The following CACNA1C variants were observed in gnomAD, a reference collection of about 807,000 sequenced individuals.
CACNA1C encodes voltage-dependent L-type calcium channel subunit alpha-1C.
Under a neutral mutation model 229.0 loss-of-function variants are expected in CACNA1C, and 30 were observed. That is an observed-to-expected ratio of 0.13 (90% CI 0.10 to 0.18). CACNA1C has a LOEUF of 0.18. CACNA1C is among the 10% of genes least tolerant of loss of function. The pLI is 1.00. For synonymous variants in CACNA1C, 1,114 were observed against 1,132.5 expected, an observed-to-expected ratio of 0.98 and a Z score of 0.33; for missense variants, 1,658 against 2,845.0, an observed-to-expected ratio of 0.58 and a Z score of 9.49.
At chr12:2,049,718 T>C (rs1039674987), upstream of CACNA1C, among the ~76,000 whole-genome samples, 1 of 152,186 alleles carries the variant, frequency 6.6e-6, no homozygotes, top group Non-Finnish European at 1.5e-5. Context: ...TATGGGAGAT[T>C]CTTTAGCTGG....
At chr12:2,274,600 C>G (rs1162171362) in intron 3 of CACNA1C, among the ~76,000 whole-genome samples, 1 of 152,182 alleles carries the variant, frequency 6.6e-6, no homozygotes, top group South Asian at 2.1e-4. Context: ...CTAATTCACA[C>G]GGTCCCTGCA....
At chr12:2,299,245 C>T (rs1161864440) in intron 3 of CACNA1C, among the ~76,000 whole-genome samples, 1 of 152,194 alleles carries the variant, frequency 6.6e-6, no homozygotes, top group East Asian at 1.9e-4. Flanking sequence ...TCCTTTGCTT[C>T]ACTGGCCCTC....
In CACNA1C at chr12:2,067,536, G is replaced by A. The variant is rs1174810839; in HGVS notation, c.49+13925G>A. ...CAGGCACATGAAGACAGACTTTATT[G>A]GTTTCACAGTTTGGCCTCCAGAGGG... On this transcript the variant is annotated intron_variant, in intron 1 of 46. Coordinates refer to ENST00000399655, the MANE Select transcript of CACNA1C (RefSeq NM_000719.7). This position sits in a 1 kb window ranked among gnomAD's most constrained non-coding sequence, Gnocchi z 5.3. Among the ~76,000 whole-genome samples the A allele has an allele frequency of 1.3e-5, 2 of 150,796 alleles. No homozygotes were observed. Among genetic ancestry groups the A allele is most frequent in the Non-Finnish European group, 3.0e-5 (2 of 67,700 alleles).
intron 3 of CACNA1C, among the ~76,000 whole-genome samples, chr12:2,318,016 C>T (rs1288376536): frequency 1.3e-5 from 2 of 152,146 alleles, no homozygotes; most frequent in Non-Finnish European, 2.9e-5. Context: ...TGCTCAGAGG[C>T]AGACGGGGAG....
chr12:1,984,474 C>A (rs2037068216), intron 1 of CACNA1C, among the ~76,000 whole-genome samples: 1 of 151,990 alleles, frequency 6.6e-6, no homozygotes, highest in African/African-American at 2.4e-5. Context: ...CCACTTCAAA[C>A]AGAATGTAAA....
At chr12:2,569,913 A>G (rs2053417302) in intron 13 of CACNA1C, among the ~76,000 whole-genome samples, 1 of 152,206 alleles carries the variant, frequency 6.6e-6, no homozygotes. Context: ...TCCACCAGCA[A>G]TGTATAAGGG....
chr12:2,276,104 C>A (rs2154428529), intron 3 of CACNA1C, among the ~76,000 whole-genome samples: 1 of 151,180 alleles, frequency 6.6e-6, no homozygotes, highest in South Asian at 2.1e-4. Flanking sequence ...TATTTTTTAC[C>A]CAAAGCTGGT....
chr12:2,227,556 T>C (rs1199769678), intron 3 of CACNA1C, among the ~76,000 whole-genome samples: 1 of 152,180 alleles, frequency 6.6e-6, no homozygotes, highest in Non-Finnish European at 1.5e-5. Context: ...TTTTTCTGTT[T>C]CTCTCCTGAA....
chr12:2,271,642 G>A (rs549633485), intron 3 of CACNA1C, among the ~76,000 whole-genome samples: 12 of 152,140 alleles, frequency 7.9e-5, no homozygotes, highest in Non-Finnish European at 1.5e-4. Flanking sequence ...GCTCACTCTT[G>A]TAATGCCAGC....
intron 5 of CACNA1C, among the ~76,000 whole-genome samples, chr12:2,485,762 A>C (rs1394054903): frequency 6.6e-6 from 1 of 152,166 alleles, no homozygotes; most frequent in Non-Finnish European, 1.5e-5. Flanking sequence ...CACTGTCCTG[A>C]GATGCTGCTC....
At chr12:1,991,897 C>T in intron 1 of CACNA1C, 1 of 162,994 alleles carries the variant, frequency 6.1e-6, no homozygotes, top group Non-Finnish European at 1.3e-5. Flanking sequence ...ATAAAAGCAA[C>T]CAAAAGTGAT....
intron 26 of CACNA1C, 108 bp downstream of exon 26, chr12:2,607,238 A>G: frequency 8.5e-7 from 1 of 1,181,606 alleles, no homozygotes. Flanking sequence ...TCTGGAGGTC[A>G]TATTTACCTG....
intron 3 of CACNA1C, among the ~76,000 whole-genome samples, chr12:2,144,743 TTG>T (rs1177299032): frequency 3.3e-5 from 5 of 151,390 alleles, no homozygotes; most frequent in Non-Finnish European, 7.4e-5. Context: ...TAAATTATGA[TTG>T]AAAAAAATGT....
chr12:2,567,955 G>A (rs981689503), intron 13 of CACNA1C, among the ~76,000 whole-genome samples, 161 bp downstream of exon 13: 1 of 152,144 alleles, frequency 6.6e-6, no homozygotes, highest in Admixed American at 6.5e-5. Flanking sequence ...CATTTAGATG[G>A]CACATCATTT....
At chr12:2,606,074 AC>A (rs1216452795) in intron 24 of CACNA1C, among the ~76,000 whole-genome samples, 1 of 152,044 alleles carries the variant, frequency 6.6e-6, no homozygotes, top group East Asian at 1.9e-4. Flanking sequence ...ATCCTGTGGA[AC>A]CTCTGTGTCA....
intron 3 of CACNA1C, among the ~76,000 whole-genome samples, chr12:2,148,609 A>G (rs1249891063): frequency 6.6e-6 from 1 of 151,214 alleles, no homozygotes; most frequent in African/African-American, 2.4e-5. Context: ...GGGCAGTGGC[A>G]TGATCTCGGC....
chr12:2,270,770 G>A (rs2084598416), intron 3 of CACNA1C, among the ~76,000 whole-genome samples: 1 of 152,216 alleles, frequency 6.6e-6, no homozygotes, highest in Non-Finnish European at 1.5e-5. Context: ...CACAATGTCT[G>A]TATTGCCACT....
At chr12:2,232,554 T>TTA (rs1239133973) in intron 3 of CACNA1C, among the ~76,000 whole-genome samples, 1 of 152,144 alleles carries the variant, frequency 6.6e-6, no homozygotes, top group Non-Finnish European at 1.5e-5. Context: ...ATTTCCCCAC[T>TTA]TCTAATAAGT....
At chr12:2,318,821 T>G (rs2095823400) in intron 3 of CACNA1C, among the ~76,000 whole-genome samples, 2 of 134,556 alleles carry the variant, frequency 1.5e-5, no homozygotes, top group Non-Finnish European at 1.6e-5. Flanking sequence ...GGACAGGGAG[T>G]GCGGGGCTAG....
Sources: allele counts gnomAD v4.1 joint callset (sites outside exome capture counted in the v4.1 genomes callset), GRCh38; gene constraint gnomAD v4.1.1; non-coding constraint Gnocchi (gnomAD v3.1); transcripts MANE v1.5; gene names NCBI Gene and HGNC (gene_info 2026-07-23, HGNC 2026-07-21).